MADD: variants seen among roughly 807,000 people sequenced by gnomAD.
MADD encodes MAP kinase activating death domain, also known as MAP kinase-activating death domain protein.
Under a neutral mutation model 176.7 loss-of-function variants are expected in MADD, and 109 were observed. The ratio of observed to expected loss-of-function variants is 0.62; its 90% CI spans 0.53 to 0.72. MADD has a LOEUF of 0.72. Among genes scored for constraint, MADD ranks in the 30% least tolerant of loss-of-function variants. The pLI is 0.00. For missense variants in MADD, 1,914 were observed against 2,045.5 expected (o/e 0.94, Z 1.24); for synonymous variants, 771 against 771.3 (o/e 1.00, Z 0.01).
chr11:47,292,553 C>T, intron 19 of MADD: 1 of 1,613,900 alleles, frequency 6.2e-7, no homozygotes, highest in Non-Finnish European at 8.5e-7. Flanking sequence ...AATTGTGGAA[C>T]AAGCACCAGG....
intron 22 of MADD, among the ~76,000 whole-genome samples, chr11:47,302,269 A>G (rs1376316839): frequency 6.6e-6 from 1 of 152,076 alleles, no homozygotes; most frequent in Non-Finnish European, 1.5e-5. Flanking sequence ...GCTGGAGTGC[A>G]GTGGCGCAAT....
rs550789842 is a variant in MADD at position 47,320,101 on chromosome 11, C to A, written c.4198-3570C>A. Among the ~76,000 whole-genome samples, 67 of 149,126 alleles carry A rather than the reference C, an allele frequency of 4.5e-4. 1 individual carries two copies. The highest frequency in any genetic ancestry group is 1.5e-5 in the Non-Finnish European group (1 of 67,578). ...TTTTTTTCTTTAATGGATGCTTAGC[C>A]ATTAGATGTCGTATGGTGTACCATA... On this transcript the variant is annotated intron_variant, in intron 27 of 32. Coordinates refer to ENST00000402192, the Ensembl canonical transcript of MADD.
intron 28 of MADD, 82 bp downstream of exon 31, chr11:47,323,917 C>A: frequency 6.9e-7 from 1 of 1,446,830 alleles, no homozygotes; most frequent in Non-Finnish European, 9.5e-7. Context: ...GTTAAAATTC[C>A]AAAACACACA....
intron 23 of MADD, 138 bp downstream of exon 25, chr11:47,308,837 C>A: frequency 2.0e-6 from 2 of 1,016,552 alleles, no homozygotes; most frequent in Non-Finnish European, 3.0e-6. Flanking sequence ...ATACCTGAAG[C>A]AAGCGACTTA....
chr11:47,303,239 GTTTT>G (rs35658298), intron 22 of MADD, among the ~76,000 whole-genome samples: 1 of 108,146 alleles, frequency 9.2e-6, no homozygotes, highest in Admixed American at 1.1e-4. Flanking sequence ...TTCTCTTGCT[GTTTT>G]TTTTTTTTTT....
intron 28 of MADD, chr11:47,324,058 C>T (rs1036411288): frequency 1.6e-6 from 1 of 642,744 alleles, no homozygotes; most frequent in Non-Finnish European, 2.7e-6. Flanking sequence ...ACATCTGTAC[C>T]CATGCCTTCT....
chr11:47,278,270 A>G (rs2052475119), exon 6 of MADD: 2 of 1,612,230 alleles, frequency 1.2e-6, no homozygotes, highest in Non-Finnish European at 1.7e-6. Context: ...GGATCTGGAC[A>G]GCAATAGGGT....
intron 27 of MADD, among the ~76,000 whole-genome samples, chr11:47,322,148 C>A (rs2094560388): frequency 6.6e-6 from 1 of 152,106 alleles, no homozygotes; most frequent in Admixed American, 6.6e-5. Context: ...GAAGTTATTA[C>A]TGTTACTATC....
chr11:47,323,773 G>A (rs2094949228), exon 28 of MADD: 2 of 1,614,226 alleles, frequency 1.2e-6, no homozygotes, highest in Non-Finnish European at 1.7e-6. Flanking sequence ...CAAGACGAAG[G>A]TGTTGTGCTT....
chr11:47,311,720 T>C lies in MADD; in HGVS notation c.3979-12T>C. ...CAGATCCCTTGTTAAGAGTCATGTG[T>C]TGGCTTTTCAGGTAAATAAGAATGA... On this transcript the variant is annotated splice_polypyrimidine_tract_variant and intron_variant, in intron 25 of 32. Transcript: ENST00000402192. 6.4e-7 allele frequency: 1 copy of C among 1,555,414 alleles called. No homozygotes were observed. The highest frequency in any genetic ancestry group is 1.1e-5 in the South Asian group (1 of 89,882).
chr11:47,295,532 G>C (rs990444105), exon 21 of MADD: 2 of 1,614,108 alleles, frequency 1.2e-6, no homozygotes, highest in East Asian at 4.5e-5. Context: ...CGTGAGTCCA[G>C]CTGTTATGAT....
intron 32 of MADD, 124 bp from the exon 37 acceptor site, chr11:47,328,922 A>T: frequency 2.0e-6 from 2 of 1,002,312 alleles, no homozygotes; most frequent in Non-Finnish European, 3.1e-6. Flanking sequence ...CCTTGCTTGG[A>T]GCTCACGTTT....
chr11:47,326,929 A>C, intron 31 of MADD, 122 bp downstream of exon 35: 1 of 1,480,978 alleles, frequency 6.8e-7, no homozygotes, highest in Non-Finnish European at 9.0e-7. Flanking sequence ...CAGGAGGAGC[A>C]GGAGTGACAA....
chr11:47,288,433 G>T (rs2062444011), intron 15 of MADD, among the ~76,000 whole-genome samples: 1 of 152,238 alleles, frequency 6.6e-6, no homozygotes, highest in Non-Finnish European at 1.5e-5. Context: ...GAATCCACAT[G>T]TGGCCGGGTA....
rs777545887 is a variant in MADD, at chr11:47,276,846, A to C, written c.1078A>C (p.Met360Leu). 3.1e-6 allele frequency: 5 copies of C among 1,614,058 alleles called. No individual in the cohort carries two copies. The Admixed American group carries it at 8.3e-5, about 27-fold the overall frequency. The stretch of plus-strand genomic sequence containing the variant: ...TGTCATCCCGCTGCTACCCACCTGC[A>C]TGGCATCAGCAGAGCAGGTGAGTCT... The change falls in exon 5 of 33, where the codon ATG becomes CTG. Residue 360 changes from methionine (M) to leucine (L), a missense_variant. Met to Leu is a conservative substitution (Grantham distance 15). Coordinates refer to ENST00000402192, the Ensembl canonical transcript of MADD.
intron 28 of MADD, 29 bp downstream of exon 31, chr11:47,323,864 C>T: frequency 1.2e-6 from 2 of 1,606,078 alleles, no homozygotes; most frequent in East Asian, 2.2e-5. Flanking sequence ...TGGGTTGGGG[C>T]TAGTAGGCAT....
chr11:47,287,149 C>T (rs533229480), intron 15 of MADD, among the ~76,000 whole-genome samples: 100 of 152,290 alleles, frequency 6.6e-4, no homozygotes, highest in Non-Finnish European at 1.0e-3. Context: ...CATGGCGAAA[C>T]GCCGTCTCTG....
chr11:47,281,261 T>C (rs1430192847), intron 7 of MADD, among the ~76,000 whole-genome samples: 2 of 152,230 alleles, frequency 1.3e-5, no homozygotes, highest in Non-Finnish European at 2.9e-5. Context: ...ATTTAATGAC[T>C]ATAATAATTT....
chr11:47,328,614 T>A (rs765323260), intron 31 of MADD, 44 bp from the exon 36 acceptor site: 2 of 1,613,842 alleles, frequency 1.2e-6, no homozygotes, highest in Non-Finnish European at 1.7e-6. Context: ...CGATTGCTCT[T>A]AGTGTTGAAC....
Sources: gnomAD v4.1 joint callset for allele counts (sites outside exome capture counted in the v4.1 genomes callset) on GRCh38, gnomAD v4.1.1 for gene constraint, MANE v1.5 for transcripts, NCBI Gene and HGNC (gene_info 2026-07-23, HGNC 2026-07-21) for gene names.